Variants in CENPP observed in about 807,000 individuals in gnomAD.
CENPP encodes the protein centromere protein P.
A neutral mutation model predicts 35.6 loss-of-function variants in CENPP; 24 were observed. The ratio of observed to expected loss-of-function variants is 0.67; its 90% CI spans 0.49 to 0.95. The LOEUF (loss-of-function observed/expected upper bound fraction) is 0.95, where lower values mean the gene tolerates loss of function less well. Ranked by LOEUF, CENPP falls within the 40% of genes least tolerant of loss-of-function variation. CENPP has a pLI of 0.00. For missense variants in CENPP, 332 were observed against 345.3 expected, an observed-to-expected ratio of 0.96 and a Z score of 0.31; for synonymous variants, 120 against 125.5, an observed-to-expected ratio of 0.96 and a Z score of 0.29.
At chr9:92,391,432 T>G (rs1842681038) in intron 5 of CENPP, among the ~76,000 whole-genome samples, 1 of 149,702 alleles carries the variant, frequency 6.7e-6, no homozygotes, top group Non-Finnish European at 1.5e-5. Flanking sequence ...TAAATTAAAT[T>G]AAATTACAAT....
At chr9:92,446,774 A>G (rs1844561556) in intron 5 of CENPP, among the ~76,000 whole-genome samples, 2 of 151,456 alleles carry the variant, frequency 1.3e-5, no homozygotes, top group South Asian at 4.2e-4. Context: ...ATATGAAAGA[A>G]CAGACCAAGC....
At chr9:92,340,070 T>C (rs1841063012) in intron 3 of CENPP, 1 of 153,754 alleles carries the variant, frequency 6.5e-6, no homozygotes, top group South Asian at 2.1e-4. Flanking sequence ...CTCTAGTATA[T>C]ATGTCCAGGA....
At chr9:92,513,393 A>G (rs963625970) in intron 5 of CENPP, among the ~76,000 whole-genome samples, 1 of 152,170 alleles carries the variant, frequency 6.6e-6, no homozygotes, top group African/African-American at 2.4e-5. Context: ...ACTGTGGGGC[A>G]TTTTCTTATA....
At chr9:92,500,677 T>C in intron 5 of CENPP, 1 of 1,532,584 alleles carries the variant, frequency 6.5e-7, no homozygotes, top group Non-Finnish European at 8.9e-7. Flanking sequence ...TTTTATCATA[T>C]ATTTTGCCAA....
intron 1 of CENPP, among the ~76,000 whole-genome samples, chr9:92,330,289 T>C (rs1384007635): frequency 6.6e-6 from 1 of 152,178 alleles, no homozygotes; most frequent in Non-Finnish European, 1.5e-5. Flanking sequence ...GAGAAACGAT[T>C]TGGTGAGCTA....
At chr9:92,572,080 C>A (rs558254289) in intron 5 of CENPP, among the ~76,000 whole-genome samples, 1 of 152,126 alleles carries the variant, frequency 6.6e-6, no homozygotes, top group East Asian at 1.9e-4. Context: ...AGCATTTAGC[C>A]CATTTACATT....
intron 7 of CENPP, 106 bp from the exon 8 acceptor site, chr9:92,612,913 A>G (rs1851309681): frequency 7.7e-7 from 1 of 1,301,606 alleles, no homozygotes; most frequent in East Asian, 2.3e-5. Flanking sequence ...CCATGCAGCT[A>G]GTCGGGAGGA....
intron 4 of CENPP, among the ~76,000 whole-genome samples, chr9:92,348,235 A>C (rs1841351213): frequency 6.6e-6 from 1 of 151,492 alleles, no homozygotes; most frequent in African/African-American, 2.4e-5. Context: ...CCAGGATTAC[A>C]GGCATGAGCC....
At chr9:92,492,085 T>C (rs150888285) in intron 5 of CENPP, among the ~76,000 whole-genome samples, 64 of 152,332 alleles carry the variant, frequency 4.2e-4, no homozygotes, top group African/African-American at 1.5e-3. Context: ...TTAGTGTTAA[T>C]TATATCCTGT....
At chr9:92,401,000 A>G (rs1415185317) in intron 5 of CENPP, 1 of 656,954 alleles carries the variant, frequency 1.5e-6, no homozygotes, top group Non-Finnish European at 2.7e-6. Context: ...TATTTACTGT[A>G]TCTTGAGTCA....
At chr9:92,331,608 G>A (rs561976345) in intron 1 of CENPP, among the ~76,000 whole-genome samples, 4 of 152,208 alleles carry the variant, frequency 2.6e-5, no homozygotes, top group Non-Finnish European at 5.9e-5. Context: ...TATTTGAAAG[G>A]TGTTTCTAAT....
At chr9:92,581,164 C>A (rs1166389496) in intron 5 of CENPP, among the ~76,000 whole-genome samples, 3 of 151,956 alleles carry the variant, frequency 2.0e-5, no homozygotes, top group Non-Finnish European at 4.4e-5. Context: ...GTGAGAGACC[C>A]TGTCTTTTAA....
At chr9:92,605,103 C>G (rs1244423247) in intron 5 of CENPP, among the ~76,000 whole-genome samples, 1 of 152,262 alleles carries the variant, frequency 6.6e-6, no homozygotes, top group Admixed American at 6.5e-5. Context: ...GCCTCAGCCC[C>G]TCAAGTAGCT....
intron 5 of CENPP, among the ~76,000 whole-genome samples, chr9:92,419,598 C>T (rs977603186): frequency 6.6e-6 from 1 of 152,164 alleles, no homozygotes; most frequent in Non-Finnish European, 1.5e-5. Flanking sequence ...TGCATCCAGC[C>T]TCCTTGTGTC....
chr9:92,443,724 A>G (rs940396903), intron 5 of CENPP, among the ~76,000 whole-genome samples: 3 of 151,954 alleles, frequency 2.0e-5, no homozygotes, highest in Non-Finnish European at 2.9e-5. Context: ...CAGTGGCGCA[A>G]TCTCGGCTCA....
intron 5 of CENPP, among the ~76,000 whole-genome samples, chr9:92,485,702 A>G (rs1393387704): frequency 1.3e-5 from 2 of 152,282 alleles, no homozygotes; most frequent in Admixed American, 6.5e-5. Context: ...TGATTGACAG[A>G]GTCTCACTCT....
At chr9:92,551,944 T>TA (rs1849603765) in intron 5 of CENPP, among the ~76,000 whole-genome samples, 1 of 130,000 alleles carries the variant, frequency 7.7e-6, no homozygotes, top group African/African-American at 3.3e-5. Context: ...TATATATATA[T>TA]ATATATATGA....
chr9:92,563,400 G>A (rs1170265176), intron 5 of CENPP, among the ~76,000 whole-genome samples: 2 of 152,162 alleles, frequency 1.3e-5, no homozygotes, highest in Admixed American at 6.5e-5. Context: ...ACACATATGT[G>A]TATCAGTGTA....
Position 92,417,257 on chromosome 9 carries a change from T to C in CENPP, c.564+37398T>C, listed in dbSNP as rs139969744. 11 of 1,613,966 alleles carry C rather than the reference T, an allele frequency of 6.8e-6. No individual in the cohort carries two copies. Among genetic ancestry groups the C allele is most frequent in the African/African-American group, 1.3e-5 (1 of 74,930 alleles). ...ATTTGCAGTCACAGCCTCAATTTCA[T>C]TGAACTGAAGGTAGAGTTGCTGAAT... On this transcript the variant is annotated intron_variant, in intron 5 of 7. Transcript: ENST00000375587.
Sources: gnomAD v4.1 joint callset for allele counts (sites outside exome capture counted in the v4.1 genomes callset) on GRCh38, gnomAD v4.1.1 for gene constraint, MANE v1.5 for transcripts, NCBI Gene and HGNC (gene_info 2026-07-23, HGNC 2026-07-21) for gene names.